DAB1: variants seen among roughly 807,000 people sequenced by gnomAD.
DAB1 encodes the protein disabled homolog 1.
A neutral mutation model predicts 64.6 loss-of-function variants in DAB1; 15 were observed. That is an observed-to-expected ratio of 0.23 (90% CI 0.16 to 0.36). The LOEUF is 0.36. Ranked by LOEUF, DAB1 falls within the 10% of genes least tolerant of loss-of-function variation. The pLI is 1.00. For missense variants in DAB1, 596 were observed against 706.7 expected, an observed-to-expected ratio of 0.84 and a Z score of 1.78; for synonymous variants, 235 against 251.9, an observed-to-expected ratio of 0.93 and a Z score of 0.64.
chr1:57,883,408 A>C (rs1644175211), intron 1 of DAB1, among the ~76,000 whole-genome samples: 1 of 152,204 alleles, frequency 6.6e-6, no homozygotes, highest in Admixed American at 6.5e-5. Context: ...GCAAAGCCAG[A>C]CTGCATTGTA....
At position 57,904,766 on chromosome 1, in the gene DAB1, C is replaced by T. The variant is rs190211340; in HGVS notation, n.388-20604G>A. On this transcript the variant is annotated intron_variant and non_coding_transcript_variant, in intron 5 of 20. Coordinates refer to the DAB1 transcript ENST00000485760. ...GTCAAAGGATCTAAAATAAAGCCAG[C>T]GCAGCTTAAGGATGGTAAGTGATGG... 9.2e-5 allele frequency among the ~76,000 whole-genome samples: 14 copies of T among 152,180 alleles called. No homozygotes were observed. In the South Asian group the frequency reaches 1.5e-3, roughly 16 times the overall value.
At chr1:57,141,901 C>T (rs550181130) in intron 3 of DAB1, among the ~76,000 whole-genome samples, 2 of 152,214 alleles carry the variant, frequency 1.3e-5, no homozygotes, top group Non-Finnish European at 2.9e-5. Flanking sequence ...TGTGTCTTGT[C>T]GAACACAGGC....
At chr1:57,863,606 T>C (rs1654165791) in intron 1 of DAB1, among the ~76,000 whole-genome samples, 1 of 152,132 alleles carries the variant, frequency 6.6e-6, no homozygotes, top group South Asian at 2.1e-4. Context: ...CCACAAGGAA[T>C]GGCTGGGCAC....
intron 4 of DAB1, among the ~76,000 whole-genome samples, chr1:57,108,277 A>C (rs1042961418): frequency 6.6e-6 from 1 of 152,184 alleles, no homozygotes; most frequent in Non-Finnish European, 1.5e-5. Context: ...GAAATGACTA[A>C]TCCAAATGAA....
intron 6 of DAB1, among the ~76,000 whole-genome samples, chr1:57,782,915 T>C (rs1394396843): frequency 3.3e-5 from 5 of 152,060 alleles, no homozygotes; most frequent in Admixed American, 6.6e-5. Context: ...ACAGAAAGTA[T>C]ACTGGACAAC....
intron 1 of DAB1, among the ~76,000 whole-genome samples, chr1:57,361,552 T>G (rs1679550449): frequency 6.6e-6 from 1 of 152,180 alleles, no homozygotes; most frequent in African/African-American, 2.4e-5. Context: ...GAGAATATTC[T>G]GTGCTCCATT....
chr1:58,541,629 AAAAAAAAAAAAACCAAAAACAAAAAAC>A (rs1557461111), intron 1 of DAB1: 1 of 146,510 alleles, frequency 6.8e-6, no homozygotes, highest in Non-Finnish European at 1.5e-5. Flanking sequence ...AAAAAAAAAA[AAAAAAAAAAAAACCAAAAACAAAAAAC>A]AAAAAAACCC....
chr1:57,740,609 C>A (rs1647940045), intron 6 of DAB1, among the ~76,000 whole-genome samples: 1 of 152,132 alleles, frequency 6.6e-6, no homozygotes. Context: ...GTTGAGTAAT[C>A]TTGGGCAAAT....
chr1:57,422,593 C>A (rs1479054281), intron 1 of DAB1, among the ~76,000 whole-genome samples: 3 of 151,672 alleles, frequency 2.0e-5, no homozygotes, highest in African/African-American at 7.3e-5. Flanking sequence ...CTCCGCCCGC[C>A]GCCAAGAGCG....
intron 2 of DAB1, among the ~76,000 whole-genome samples, chr1:57,280,969 T>C (rs1397779362): frequency 6.6e-6 from 1 of 152,080 alleles, no homozygotes; most frequent in African/African-American, 2.4e-5. Flanking sequence ...AAAATAATTA[T>C]AGAAAAAATG....
intron 6 of DAB1, among the ~76,000 whole-genome samples, chr1:57,732,560 T>C (rs1227913067): frequency 2.6e-5 from 4 of 152,212 alleles, no homozygotes; most frequent in East Asian, 1.9e-4. Context: ...CTATTAAATC[T>C]GGAGAAAATA....
At chr1:57,895,576 C>A (rs1644380791) in intron 5 of DAB1, among the ~76,000 whole-genome samples, 1 of 152,162 alleles carries the variant, frequency 6.6e-6, no homozygotes. Context: ...TACAGTGTAG[C>A]AAGAAAGGTT....
At chr1:58,258,801 G>T (rs1434030473) in intron 4 of DAB1, among the ~76,000 whole-genome samples, 1 of 152,148 alleles carries the variant, frequency 6.6e-6, no homozygotes, top group Non-Finnish European at 1.5e-5. Context: ...TGTTGAAGGG[G>T]GTCTATAGCA....
At chr1:57,980,054 A>G (rs1557592355) in intron 5 of DAB1, among the ~76,000 whole-genome samples, 1 of 152,134 alleles carries the variant, frequency 6.6e-6, no homozygotes, top group Non-Finnish European at 1.5e-5. Flanking sequence ...TCATCTAACC[A>G]ATACATATCA....
chr1:58,272,802 G>A (rs920656859), intron 4 of DAB1, among the ~76,000 whole-genome samples: 19 of 151,380 alleles, frequency 1.3e-4, no homozygotes, highest in Non-Finnish European at 1.5e-4. Context: ...TTGGTTTAAA[G>A]TCTGTTTTAT....
chr1:58,386,411 T>C (rs1773068), intron 3 of DAB1, among the ~76,000 whole-genome samples: 69,672 of 151,966 alleles, frequency 0.46, 16,976 homozygotes, highest in East Asian at 0.63. Flanking sequence ...ATTAAATGTT[T>C]GTTCTCATAT....
At chr1:58,407,036 T>C (rs979719426) in intron 3 of DAB1, among the ~76,000 whole-genome samples, 1 of 152,198 alleles carries the variant, frequency 6.6e-6, no homozygotes, top group African/African-American at 2.4e-5. Flanking sequence ...TTTGAACTGT[T>C]ATTATATATT....
At chr1:57,373,416 G>A (rs1034085721) in intron 1 of DAB1, among the ~76,000 whole-genome samples, 3 of 152,110 alleles carry the variant, frequency 2.0e-5, no homozygotes, top group African/African-American at 2.4e-5. Flanking sequence ...GTGTGTGCAC[G>A]TGTGTGTGTA....
intron 1 of DAB1, among the ~76,000 whole-genome samples, chr1:57,837,290 C>T (rs1428038656): frequency 6.6e-6 from 1 of 152,190 alleles, no homozygotes; most frequent in Non-Finnish European, 1.5e-5. Context: ...TTCCTCGTTT[C>T]CTCAAATCTC....
Sources: gnomAD v4.1 joint callset for allele counts (sites outside exome capture counted in the v4.1 genomes callset) on GRCh38, gnomAD v4.1.1 for gene constraint, MANE v1.5 for transcripts, NCBI Gene and HGNC (gene_info 2026-07-23, HGNC 2026-07-21) for gene names.